YTHDF2: variants seen among roughly 807,000 people sequenced by gnomAD.
YTHDF2 encodes YTH domain-containing family protein 2.
Under a neutral mutation model 50.4 loss-of-function variants are expected in YTHDF2, and 2 were observed. The ratio of observed to expected loss-of-function variants is 0.04; its 90% CI spans 0.02 to 0.12. The LOEUF is 0.12. Ranked by LOEUF, YTHDF2 falls within the 10% of genes least tolerant of loss-of-function variation. The pLI, the probability that YTHDF2 is intolerant of heterozygous loss-of-function variation, is 1.00. For synonymous variants in YTHDF2, 217 were observed against 255.6 expected (o/e 0.85, Z 1.44); for missense variants, 483 against 722.6 (o/e 0.67, Z 3.80).
chr1:28,742,519 G>C lies in YTHDF2; in HGVS notation c.249G>C (p.Met83Ile), dbSNP rs765085924. The C allele has an allele frequency of 6.2e-7, 1 of 1,614,028 alleles. No homozygotes were observed. The highest frequency in any genetic ancestry group is 8.5e-7 in the Non-Finnish European group (1 of 1,180,022). The change falls in exon 4 of 5, where the codon ATG becomes ATC. Residue 83 changes from methionine (M) to isoleucine (I), a missense_variant. By Grantham distance (10) the Met-to-Ile change is conservative (BLOSUM62 1). This residue lies in a region of YTHDF2 where 385 missense variants were observed against 475.8 expected (regional missense o/e 0.81). Transcript: ENST00000373812. Reference sequence around the variant, plus strand: ...GGTCTACGGGGGGTGACACAGCCATGCCCTACTTAACTTCTTATGGACAGC... The same window carrying C: ...GGTCTACGGGGGGTGACACAGCCATCCCCTACTTAACTTCTTATGGACAGC... ...AAWSTGGDTA[M>I]PYLTSYGQLS...
chr1:28,764,547 A>G (rs986408721), intron 4 of YTHDF2, among the ~76,000 whole-genome samples: 1 of 152,014 alleles, frequency 6.6e-6, no homozygotes, highest in African/African-American at 2.4e-5. Flanking sequence ...TGCTGGGATT[A>G]CAGGCGTGAG....
intron 4 of YTHDF2, among the ~76,000 whole-genome samples, chr1:28,759,819 G>A (rs1161881385): frequency 2.6e-5 from 4 of 152,114 alleles, no homozygotes; most frequent in Non-Finnish European, 4.4e-5. Context: ...AGCCGGGCGT[G>A]GTGGTGCACA....
chr1:28,736,944 C>T lies in YTHDF2; in HGVS notation c.-177C>T. ...CGGGCATTGAGCTCTTGGGCTAGAGCGTCGCCGAGTCGGAGCCGGAGCCTG... is the reference window on the plus strand; with the variant it reads ...CGGGCATTGAGCTCTTGGGCTAGAGTGTCGCCGAGTCGGAGCCGGAGCCTG... On this transcript the variant is annotated 5_prime_UTR_variant, in exon 1 of 5. Transcript: ENST00000373812. The T allele has an allele frequency of 1.4e-6, 1 of 702,616 alleles. No homozygotes were observed. Among genetic ancestry groups the T allele is most frequent in the Non-Finnish European group, 2.3e-6 (1 of 429,446 alleles). 43.5% of individuals were successfully genotyped at this position (702,616 alleles called of 1,614,324 possible). A position where few individuals can be genotyped will look rare whatever the true frequency, so the allele number is the denominator to read the frequency against.
chr1:28,742,972 A>G lies in YTHDF2; in HGVS notation c.702A>G (p.Pro234=). Residue 234 remains proline, a synonymous_variant, in exon 4 of 5, where the codon CCA becomes CCG. Transcript: ENST00000373812. ...TGCCTCCAGCCACCATTGCTCCTCCAAAACCAGCATCTTGGGCTGATATTG... is the reference window on the plus strand; with the variant it reads ...TGCCTCCAGCCACCATTGCTCCTCCGAAACCAGCATCTTGGGCTGATATTG... ...NSLPPATIAP[P]KPASWADIAS... The G allele has an allele frequency of 6.2e-7, 1 of 1,614,200 alleles. No individual in the cohort carries two copies. The highest frequency in any genetic ancestry group is 1.1e-5 in the South Asian group (1 of 91,084).
chr1:28,751,352 G>C (rs142373778), intron 4 of YTHDF2, among the ~76,000 whole-genome samples: 1 of 152,256 alleles, frequency 6.6e-6, no homozygotes, highest in African/African-American at 2.4e-5. Context: ...ATGTGATACT[G>C]TTGGCTCCCA....
intron 4 of YTHDF2, among the ~76,000 whole-genome samples, chr1:28,766,242 C>T (rs982378312): frequency 1.4e-5 from 2 of 147,678 alleles, no homozygotes; most frequent in Non-Finnish European, 3.0e-5. Context: ...CAGGTGCATG[C>T]CACCACACCC....
intron 4 of YTHDF2, among the ~76,000 whole-genome samples, chr1:28,749,407 C>G (rs2087914676): frequency 6.6e-6 from 1 of 152,018 alleles, no homozygotes; most frequent in African/African-American, 2.4e-5. Flanking sequence ...GTCTCGATCT[C>G]CTGACCTCAT....
chr1:28,751,165 G>T (rs1232998246), intron 4 of YTHDF2, among the ~76,000 whole-genome samples: 1 of 150,040 alleles, frequency 6.7e-6, no homozygotes, highest in African/African-American at 2.5e-5. Flanking sequence ...GGCTGAGGCA[G>T]GAGAATCTCT....
At chr1:28,759,398 A>G (rs1481550494) in intron 4 of YTHDF2, among the ~76,000 whole-genome samples, 1 of 152,204 alleles carries the variant, frequency 6.6e-6, no homozygotes, top group Non-Finnish European at 1.5e-5. Context: ...AGGAAGATTT[A>G]GATATACAAT....
intron 4 of YTHDF2, among the ~76,000 whole-genome samples, chr1:28,760,315 G>GTGTGTA (rs2088101730): frequency 6.9e-6 from 1 of 145,846 alleles, no homozygotes; most frequent in East Asian, 2.0e-4. Context: ...GTGTGTGTGT[G>GTGTGTA]ACGGAGTCTT....
In YTHDF2 at chr1:28,737,497, C is replaced by T. The variant is rs562980168; in HGVS notation, c.28-161C>T. 15 of 1,000,676 alleles carry T rather than the reference C, an allele frequency of 1.5e-5. No individual in the cohort carries two copies. The Admixed American group carries it at 3.2e-4, about 21-fold the overall frequency. 62.0% of individuals were successfully genotyped at this position (1,000,676 alleles called of 1,614,324 possible). A position where few individuals can be genotyped will look rare whatever the true frequency, so the allele number is the denominator to read the frequency against. On this transcript the variant is annotated intron_variant, in intron 1 of 4. Coordinates refer to ENST00000373812, the MANE Select transcript of YTHDF2 (RefSeq NM_016258.3). ...CCCTGCCCCACGGGCCTGGCGCTTT[C>T]CCCCGCCTCCCATTTTCAGCCTCTT... is the stretch of plus-strand genomic sequence containing the variant.
chr1:28,742,374 T>C, intron 3 of YTHDF2, 29 bp from the exon 4 acceptor site: 1 of 1,523,938 alleles, frequency 6.6e-7, no homozygotes. Flanking sequence ...TTTTTTGTGT[T>C]TTGATTTGCC....
chr1:28,742,093 A>C (rs1382688228), intron 3 of YTHDF2, among the ~76,000 whole-genome samples: 1 of 144,754 alleles, frequency 6.9e-6, no homozygotes, highest in Non-Finnish European at 1.5e-5. Context: ...TGTTGCCCAC[A>C]GGCTGGAGTG....
At chr1:28,744,439 C>T (rs939691914) in intron 4 of YTHDF2, among the ~76,000 whole-genome samples, 2 of 152,162 alleles carry the variant, frequency 1.3e-5, no homozygotes, top group Non-Finnish European at 2.9e-5. Flanking sequence ...ATCACCAACT[C>T]TTGAAATCAC....
chr1:28,737,294 C>T (rs1264868664), intron 1 of YTHDF2, 147 bp downstream of exon 1: 14 of 1,043,348 alleles, frequency 1.3e-5, no homozygotes, highest in East Asian at 3.1e-5. Flanking sequence ...GCCGGCCGCG[C>T]CCGGCGCCTC....
intron 4 of YTHDF2, among the ~76,000 whole-genome samples, chr1:28,754,529 C>CA (rs35636702): frequency 0.064 from 8,812 of 138,472 alleles, 835 homozygotes; most frequent in African/African-American, 0.22. Context: ...GACTGTGTCT[C>CA]AAAAAAAAAA....
At chr1:28,763,010 A>T (rs1030531590) in intron 4 of YTHDF2, among the ~76,000 whole-genome samples, 4 of 151,824 alleles carry the variant, frequency 2.6e-5, no homozygotes, top group African/African-American at 9.7e-5. Context: ...TATTTTTAGT[A>T]GAGATGGGGT....
Position 28,742,771 on chromosome 1 carries a change from A to T in YTHDF2, c.501A>T (p.Gly167=). 1 of 1,614,172 alleles carries T rather than the reference A, an allele frequency of 6.2e-7. No individual in the cohort carries two copies. ...CCTTAGGTGGAGCCATGATTGATGG[A>T]CAGTCAGCTTTTGCCAATGAGACCC... is the stretch of plus-strand genomic sequence containing the variant. The part of the protein sequence containing the change: ...PSSLGGAMID[G]QSAFANETLN... Residue 167 remains glycine (G), a synonymous_variant, in exon 4 of 5, where the codon GGA becomes GGT. Coordinates refer to ENST00000373812, the MANE Select transcript of YTHDF2 (RefSeq NM_016258.3).
At chr1:28,767,199 CAT>C in intron 4 of YTHDF2, among the ~76,000 whole-genome samples, 1 of 152,166 alleles carries the variant, frequency 6.6e-6, no homozygotes, top group Non-Finnish European at 1.5e-5. Context: ...CAATATTGAA[CAT>C]AGGTATTTGT....
Sources: gnomAD v4.1 joint callset for allele counts (sites outside exome capture counted in the v4.1 genomes callset) on GRCh38, gnomAD v4.1.1 for gene constraint, gnomAD v4.1.1 regional missense constraint, MANE v1.5 for transcripts, NCBI Gene and HGNC (gene_info 2026-07-23, HGNC 2026-07-21) for gene names.